Variants in TYW1B observed in about 807,000 individuals in gnomAD.
TYW1B encodes tRNA-yW synthesizing protein 1 homolog B, also known as S-adenosyl-L-methionine-dependent tRNA 4-demethylwyosine synthase TYW1B.
In TYW1B, 73 loss-of-function variants were observed where a neutral mutation model predicts 86.9. The observed-to-expected ratio is 0.84, with a 90% CI of 0.70 to 1.02. The LOEUF (loss-of-function observed/expected upper bound fraction) is 1.02, where lower values mean the gene tolerates loss of function less well. Ranked by LOEUF, TYW1B falls within the 50% of genes least tolerant of loss-of-function variation. The pLI is 0.00. For missense variants in TYW1B, 637 were observed against 827.4 expected (o/e 0.77, Z 2.82); for synonymous variants, 248 against 292.8 (o/e 0.85, Z 1.56).
intron 11 of TYW1B, among the ~76,000 whole-genome samples, chr7:72,636,317 T>C (rs1812667433): frequency 6.6e-6 from 1 of 152,200 alleles, no homozygotes; most frequent in Admixed American, 6.5e-5. Flanking sequence ...AGCAGTCTTG[T>C]AAAATACATT....
chr7:72,800,854 C>A (rs1788392181), intron 6 of TYW1B, among the ~76,000 whole-genome samples: 1 of 151,774 alleles, frequency 6.6e-6, no homozygotes, highest in Admixed American at 6.6e-5. Context: ...GGCTAGAGGA[C>A]CTACTAGAAT....
In TYW1B at chr7:72,810,577, A is replaced by T; in HGVS notation, c.326T>A (p.Leu109Ter). 1 of 1,613,962 alleles carries T rather than the reference A, an allele frequency of 6.2e-7. No homozygotes were observed. Among genetic ancestry groups the T allele is most frequent in the Non-Finnish European group, 8.5e-7 (1 of 1,179,864 alleles). ...TCGAAAATCAATGGATGCTTCCTCTAACCATTTGCAGAACCACTCTGCACT... is the reference window on the plus strand; with the variant it reads ...TCGAAAATCAATGGATGCTTCCTCTTACCATTTGCAGAACCACTCTGCACT... ...TESAEWFCKW[L>*]EEASIDFRFG... is the part of the protein sequence containing the mutation. The change falls in exon 4 of 14, where the codon TTA (leucine) becomes TAA (stop). Residue 109 changes from leucine to a stop codon, truncating the protein, a stop_gained. Coordinates refer to ENST00000620995, the MANE Select transcript of TYW1B (RefSeq NM_001145440.3). LOFTEE classifies it high-confidence loss of function.
rs782046046 is a variant in TYW1B at position 72,810,553 on chromosome 7, C to A, written c.350G>T (p.Arg117Leu). ...KWLEEASIDF[R>L]FGKTYLKGMR... ...ACCCTTCAGGTAAGTTTTGCCAAAT[C>A]GAAAATCAATGGATGCTTCCTCTAA... Residue 117 changes from arginine (R) to leucine (L), a missense_variant, in exon 4 of 14, where the codon CGA becomes CTA. Transcript: ENST00000620995. 1.2e-5 allele frequency: 19 copies of A among 1,613,876 alleles called. No homozygotes were observed. Among genetic ancestry groups the A allele is most frequent in the Non-Finnish European group, 1.6e-5 (19 of 1,179,850 alleles).
rs1788113825 is a variant in TYW1B, at chr7:72,785,497, C to A, written c.847-7964G>T. Among the ~76,000 whole-genome samples, 3 of 150,458 alleles carry A rather than the reference C, an allele frequency of 2.0e-5. No homozygotes were observed. In the South Asian group the frequency reaches 6.3e-4, roughly 31 times the overall value. Reference sequence around the variant, plus strand: ...ATATTAACTACTATACAAGAAAATACAGTGTGGCTGGATTAACTTCTTTAA... The same window carrying A: ...ATATTAACTACTATACAAGAAAATAAAGTGTGGCTGGATTAACTTCTTTAA... On this transcript the variant is annotated intron_variant, in intron 6 of 13. Coordinates refer to ENST00000620995, the MANE Select transcript of TYW1B (RefSeq NM_001145440.3).
chr7:72,660,665 A>G (rs1434292355), intron 11 of TYW1B, among the ~76,000 whole-genome samples: 10 of 152,200 alleles, frequency 6.6e-5, no homozygotes, highest in Non-Finnish European at 1.3e-4. Flanking sequence ...ATGAAAATAT[A>G]TAAGAATTCT....
chr7:72,666,013 G>A (rs1458161704), intron 11 of TYW1B, among the ~76,000 whole-genome samples: 1 of 152,016 alleles, frequency 6.6e-6, no homozygotes, highest in African/African-American at 2.4e-5. Flanking sequence ...ATCACAGGAT[G>A]GAAAACTACT....
chr7:72,617,863 C>T (rs1812115269), intron 12 of TYW1B, among the ~76,000 whole-genome samples: 1 of 152,166 alleles, frequency 6.6e-6, no homozygotes, highest in Non-Finnish European at 1.5e-5. Context: ...CTTTTGGACT[C>T]TACCTAATAG....
intron 10 of TYW1B, among the ~76,000 whole-genome samples, chr7:72,706,414 C>T (rs1179212429): frequency 7.8e-4 from 93 of 119,330 alleles, no homozygotes; most frequent in Middle Eastern, 6.0e-3. Flanking sequence ...GCAACAAGAG[C>T]GAAACTCCTC....
chr7:72,586,046 T>C (rs1811267807), intron 13 of TYW1B, among the ~76,000 whole-genome samples: 1 of 152,126 alleles, frequency 6.6e-6, no homozygotes, highest in Non-Finnish European at 1.5e-5. Flanking sequence ...GATTTAACAG[T>C]TCACTAGAAG....
intron 3 of TYW1B, among the ~76,000 whole-genome samples, chr7:72,811,504 G>A (rs1318362681): frequency 6.6e-6 from 1 of 151,906 alleles, no homozygotes; most frequent in Non-Finnish European, 1.5e-5. Context: ...AATAAGAGTT[G>A]TATTTGGTGT....
intron 11 of TYW1B, among the ~76,000 whole-genome samples, chr7:72,662,036 A>T (rs1474474064): frequency 6.6e-6 from 1 of 152,186 alleles, no homozygotes; most frequent in African/African-American, 2.4e-5. Context: ...GTCCAAAAAG[A>T]ATCACTGCCT....
At chr7:72,639,737 G>A (rs1261899004) in intron 11 of TYW1B, among the ~76,000 whole-genome samples, 7 of 151,854 alleles carry the variant, frequency 4.6e-5, no homozygotes, top group South Asian at 2.1e-4. Context: ...GTGGTGGCAC[G>A]CACCTGTAAT....
chr7:72,629,612 T>A (rs533228366), intron 11 of TYW1B, among the ~76,000 whole-genome samples: 1 of 152,180 alleles, frequency 6.6e-6, no homozygotes, highest in East Asian at 1.9e-4. Flanking sequence ...AGTGGTGCAA[T>A]CATAACTCAC....
At chr7:72,710,786 A>C (rs188472379) in intron 10 of TYW1B, among the ~76,000 whole-genome samples, 5 of 152,168 alleles carry the variant, frequency 3.3e-5, no homozygotes, top group African/African-American at 1.2e-4. Context: ...CCAGCCTGGG[A>C]GACAAAGCTA....
chr7:72,725,678 T>C (rs1554458522), intron 9 of TYW1B, among the ~76,000 whole-genome samples: 1 of 152,102 alleles, frequency 6.6e-6, no homozygotes, highest in African/African-American at 2.4e-5. Context: ...GGCTTTAATA[T>C]AAAAAGATTG....
chr7:72,669,678 G>A (rs183514913), intron 11 of TYW1B, among the ~76,000 whole-genome samples: 4 of 152,030 alleles, frequency 2.6e-5, no homozygotes, highest in Non-Finnish European at 4.4e-5. Flanking sequence ...GCTGAGGCAG[G>A]AGAATTTCTT....
Position 72,807,235 on chromosome 7 carries a change from G to A in TYW1B, c.554C>T (p.Ala185Val). The A allele has an allele frequency of 6.2e-7, 1 of 1,614,128 alleles. No homozygotes were observed. Among genetic ancestry groups the A allele is most frequent in the South Asian group, 1.1e-5 (1 of 91,080 alleles). The change falls in exon 5 of 14, where the codon GCA becomes GTA. Residue 185 changes from alanine to valine, a missense_variant. By Grantham distance (64) the Ala-to-Val change is moderately conservative. Coordinates refer to ENST00000620995, the MANE Select transcript of TYW1B (RefSeq NM_001145440.3). Reference protein sequence around the residue: ...KHGSIEANFRAWKTKFISQLQ... With the variant: ...KHGSIEANFRVWKTKFISQLQ... ...CTGGGAGATGAACTTGGTCTTCCAT[G>A]CTCTGAAGTTGGCCTCAATGCTGCC...
intron 12 of TYW1B, 22 bp from the exon 13 acceptor site, chr7:72,616,861 C>A: frequency 6.2e-7 from 1 of 1,613,342 alleles, no homozygotes. Context: ...GTATAACCAT[C>A]AGAGATGACT....
intron 1 of TYW1B, among the ~76,000 whole-genome samples, 158 bp downstream of exon 1, chr7:72,827,914 T>A (rs1422849486): frequency 6.6e-6 from 1 of 152,226 alleles, no homozygotes; most frequent in Non-Finnish European, 1.5e-5. Context: ...AAAGTAGGGA[T>A]CGGTCCTCCT....
Sources: allele counts gnomAD v4.1 joint callset (sites outside exome capture counted in the v4.1 genomes callset), GRCh38; gene constraint gnomAD v4.1.1; transcripts MANE v1.5; gene names NCBI Gene and HGNC (gene_info 2026-07-23, HGNC 2026-07-21).